TSEN15: variants seen among roughly 807,000 people sequenced by gnomAD.
TSEN15 encodes the protein tRNA splicing endonuclease subunit 15.
A neutral mutation model predicts 20.5 loss-of-function variants in TSEN15; 10 were observed. The ratio of observed to expected loss-of-function variants is 0.49; its 90% confidence interval spans 0.30 to 0.83. TSEN15 has a LOEUF of 0.83. Among genes scored for constraint, TSEN15 ranks in the 40% least tolerant of loss-of-function variants. The pLI is 0.06. For missense variants in TSEN15, 180 were observed against 218.6 expected (o/e 0.82, Z 1.11); for synonymous variants, 72 against 80.1 (o/e 0.90, Z 0.54).
In TSEN15 at chr1:184,054,544, C is replaced by T. The variant is rs951577644; in HGVS notation, c.217+109C>T. ...TAATAAGCAATCTTTTATGCATTTG[C>T]TGTTAATTTTGCAATTTATTTATTT... On this transcript the variant is annotated intron_variant, in intron 2 of 4. Coordinates refer to ENST00000645668, the MANE Select transcript of TSEN15 (RefSeq NM_052965.4). 33 of 1,181,804 alleles carry T rather than the reference C, an allele frequency of 2.8e-5. No homozygotes were observed. In the Admixed American group the frequency reaches 6.9e-4, roughly 25 times the overall value. The allele number at this position is 1,181,804 out of a possible 1,614,324, so 73.2% of individuals were successfully genotyped here. A position where few individuals can be genotyped will look rare whatever the true frequency, so the allele number is the denominator to read the frequency against.
At chr1:184,053,545 G>A (rs939515215) in intron 1 of TSEN15, among the ~76,000 whole-genome samples, 5 of 152,202 alleles carry the variant, frequency 3.3e-5, no homozygotes, top group Non-Finnish European at 7.4e-5. Flanking sequence ...GCTGATGGGA[G>A]AATGTGACTT....
intron 3 of TSEN15, among the ~76,000 whole-genome samples, chr1:184,070,181 T>C (rs1213214418): frequency 6.6e-6 from 1 of 152,034 alleles, no homozygotes. Flanking sequence ...TGGAAATTTC[T>C]ATTCTAAATT....
chr1:184,080,596 T>G (rs1651147537), intron 3 of TSEN15, among the ~76,000 whole-genome samples: 1 of 152,208 alleles, frequency 6.6e-6, no homozygotes, highest in Non-Finnish European at 1.5e-5. Flanking sequence ...AAGCTGTTTG[T>G]GGGTAATTCT....
intron 3 of TSEN15, among the ~76,000 whole-genome samples, chr1:184,084,862 G>C (rs1159038580): frequency 1.3e-5 from 2 of 152,002 alleles, no homozygotes; most frequent in Non-Finnish European, 2.9e-5. Flanking sequence ...GGTCTGGAGG[G>C]GACAAACATT....
intron 3 of TSEN15, among the ~76,000 whole-genome samples, chr1:184,080,852 A>G (rs1258051648): frequency 6.6e-6 from 1 of 152,166 alleles, no homozygotes; most frequent in Non-Finnish European, 1.5e-5. Context: ...CTTGCACCCC[A>G]AGTATTCCTC....
chr1:184,077,725 A>G (rs1454907045), downstream of TSEN15, among the ~76,000 whole-genome samples: 1 of 152,178 alleles, frequency 6.6e-6, no homozygotes, highest in Non-Finnish European at 1.5e-5. Context: ...TGAGCATTCA[A>G]GACTTTAGTG....
At chr1:184,083,016 C>G (rs1448197531) in intron 3 of TSEN15, among the ~76,000 whole-genome samples, 1 of 152,148 alleles carries the variant, frequency 6.6e-6, no homozygotes, top group Non-Finnish European at 1.5e-5. Flanking sequence ...CATATTGATA[C>G]TCACAAGACC....
chr1:184,059,927 T>C (rs1650387465), intron 3 of TSEN15, among the ~76,000 whole-genome samples: 1 of 152,238 alleles, frequency 6.6e-6, no homozygotes, highest in Non-Finnish European at 1.5e-5. Flanking sequence ...TTATTACCAG[T>C]TTACACTTGC....
rs1557877281 is a variant in TSEN15, at chr1:184,054,799, A to G, written c.289A>G (p.Ile97Val). 1 of 1,612,172 alleles carries G rather than the reference A, an allele frequency of 6.2e-7. No homozygotes were observed. Among genetic ancestry groups the G allele is most frequent in the Non-Finnish European group, 8.5e-7 (1 of 1,179,388 alleles). ...LQLICLVGTE[I>V]EGEGLQTVVP... ...GCTCATCTGCCTTGTTGGTACTGAG[A>G]TAGAAGGGGAGGGGTTACAGACTGT... Residue 97 changes from isoleucine to valine, a missense_variant, in exon 3 of 5, where the codon ATA becomes GTA. By Grantham distance (29) the Ile-to-Val change is conservative (BLOSUM62 3). Coordinates refer to ENST00000645668, the MANE Select transcript of TSEN15 (RefSeq NM_052965.4).
exon 4 of TSEN15, chr1:184,096,106 G>A (rs1416030694): frequency 4.9e-6 from 1 of 203,482 alleles, no homozygotes. Flanking sequence ...GAAATTGAGG[G>A]CACTCGAAAG....
At chr1:184,061,454 A>G (rs1205016393) in intron 3 of TSEN15, among the ~76,000 whole-genome samples, 1 of 152,178 alleles carries the variant, frequency 6.6e-6, no homozygotes, top group Admixed American at 6.5e-5. Context: ...CAAAGAGCAT[A>G]TAGCACATAA....
intron 3 of TSEN15, among the ~76,000 whole-genome samples, chr1:184,060,656 G>C (rs529874105): frequency 5.3e-5 from 8 of 152,286 alleles, no homozygotes; most frequent in African/African-American, 1.9e-4. Flanking sequence ...ATCCCTAGTG[G>C]TATACGGGGT....
At chr1:184,089,458 C>T (rs921087826) in intron 3 of TSEN15, among the ~76,000 whole-genome samples, 3 of 152,082 alleles carry the variant, frequency 2.0e-5, no homozygotes, top group Non-Finnish European at 4.4e-5. Context: ...TTTTAGGCAC[C>T]TAAAACAGCA....
At chr1:184,077,658 C>G (rs1651089677), downstream of TSEN15, among the ~76,000 whole-genome samples, 2 of 152,046 alleles carry the variant, frequency 1.3e-5, no homozygotes, top group African/African-American at 2.4e-5. Flanking sequence ...ATTTGTGATT[C>G]ATGGGAAGAG....
downstream of TSEN15, among the ~76,000 whole-genome samples, chr1:184,075,499 A>G (rs1246454354): frequency 3.3e-5 from 5 of 152,174 alleles, no homozygotes; most frequent in Admixed American, 6.6e-5. Flanking sequence ...TAACTCACAT[A>G]TAGTAAACCC....
At chr1:184,054,958 A>G in intron 3 of TSEN15, 95 bp downstream of exon 3, 2 of 1,404,904 alleles carry the variant, frequency 1.4e-6, no homozygotes, top group Non-Finnish European at 9.6e-7. Flanking sequence ...AATTTGGGAT[A>G]CAGGGTTCAT....
chr1:184,063,005 T>G (rs1420738708), intron 3 of TSEN15, among the ~76,000 whole-genome samples: 1 of 152,154 alleles, frequency 6.6e-6, no homozygotes, highest in Non-Finnish European at 1.5e-5. Context: ...AGTTCCTTCC[T>G]TAGTAATACG....
At chr1:184,097,372 C>G (rs1651474312) in exon 4 of TSEN15, 1 of 152,148 alleles carries the variant, frequency 6.6e-6, no homozygotes, top group Non-Finnish European at 1.5e-5. Context: ...CTGTATTGTC[C>G]CTTGCTGTTA....
rs1196924323 is a variant in TSEN15, at chr1:184,095,663, CTCTCTG to C, written c.354-25_354-20del. On this transcript the variant is annotated intron_variant, in intron 3 of 3. Transcript: ENST00000643231. ...TCTCTCTCTCTCTCTCTCTCTCTCT[CTCTCTG>C]TGTCTCTCTCTCTTTCCCAGTTGTA... 5 of 369,234 alleles carry C rather than the reference CTCTCTG, an allele frequency of 1.4e-5. No individual in the cohort carries two copies. In the South Asian group the frequency reaches 5.7e-4, roughly 42 times the overall value. 22.9% of individuals were successfully genotyped at this position (369,234 alleles called of 1,614,324 possible). A position where few individuals can be genotyped will look rare whatever the true frequency, so the allele number is the denominator to read the frequency against.
Sources: allele counts gnomAD v4.1 joint callset (sites outside exome capture counted in the v4.1 genomes callset), GRCh38; gene constraint gnomAD v4.1.1; transcripts MANE v1.5; gene names NCBI Gene and HGNC (gene_info 2026-07-23, HGNC 2026-07-21).